The following COL27A1 variants were observed in gnomAD, a reference collection of about 807,000 sequenced individuals.
The protein encoded by COL27A1 is collagen type XXVII alpha 1 chain, also known as collagen alpha-1(XXVII) chain.
In COL27A1, 106 loss-of-function variants were observed where a neutral mutation model predicts 251.3. The ratio of observed to expected loss-of-function variants is 0.42; its 90% CI spans 0.36 to 0.50. The LOEUF (loss-of-function observed/expected upper bound fraction) is 0.50. Ranked by LOEUF, COL27A1 falls within the 20% of genes least tolerant of loss-of-function variation. COL27A1 has a pLI of 0.00. For missense variants in COL27A1, 2,325 were observed against 2,522.8 expected (o/e 0.92, Z 1.68); for synonymous variants, 1,000 against 986.3 (o/e 1.01, Z -0.26).
At chr9:114,270,183 C>T (rs765581535) in intron 35 of COL27A1, among the ~76,000 whole-genome samples, 11 of 152,292 alleles carry the variant, frequency 7.2e-5, no homozygotes, top group Middle Eastern at 3.4e-3. Flanking sequence ...AGGTATGGGG[C>T]GCTTACACCA....
In COL27A1 at chr9:114,301,222, C is replaced by G. The variant is rs1453294564; in HGVS notation, c.4756-62C>G. 1.9e-6 allele frequency: 3 copies of G among 1,610,280 alleles called. No homozygotes were observed. The African/African-American group carries it at 4.0e-5, about 22-fold the overall frequency. On this transcript the variant is annotated intron_variant, in intron 52 of 60. Transcript: ENST00000356083. Reference sequence around the variant, plus strand: ...TCAGTGCCAGTCTGAGCCTCAGTTTCCTCATCTGGAAATGGGGCTTCACCT... The same window carrying G: ...TCAGTGCCAGTCTGAGCCTCAGTTTGCTCATCTGGAAATGGGGCTTCACCT...
At chr9:114,162,648 C>T (rs1251210828) in intron 1 of COL27A1, 67 bp from the exon 2 acceptor site, 2 of 1,238,126 alleles carry the variant, frequency 1.6e-6, no homozygotes, top group Admixed American at 1.7e-5. Context: ...TCCCAGCTTC[C>T]CCAGCCGGAT....
intron 41 of COL27A1, among the ~76,000 whole-genome samples, chr9:114,285,003 G>A (rs72762670): frequency 0.041 from 6,272 of 152,316 alleles, 199 homozygotes; most frequent in Middle Eastern, 0.071. Context: ...TGTACCCAGC[G>A]CTGGAACGAA....
At chr9:114,256,409 T>C (rs1588787842) in intron 27 of COL27A1, among the ~76,000 whole-genome samples, 1 of 152,130 alleles carries the variant, frequency 6.6e-6, no homozygotes, top group South Asian at 2.1e-4. Context: ...AGGAGAATGG[T>C]GTGAACCTGG....
At chr9:114,253,538 A>G (rs1332532237) in intron 27 of COL27A1, among the ~76,000 whole-genome samples, 1 of 152,132 alleles carries the variant, frequency 6.6e-6, no homozygotes, top group Non-Finnish European at 1.5e-5. Flanking sequence ...AGAAGAGAAG[A>G]GGAGAAAAAG....
intron 6 of COL27A1, among the ~76,000 whole-genome samples, chr9:114,195,575 G>A (rs535156808): frequency 1.3e-5 from 2 of 152,208 alleles, no homozygotes; most frequent in Non-Finnish European, 2.9e-5. Flanking sequence ...CTTGGCCAGT[G>A]GCATGCCCAG....
intron 37 of COL27A1, among the ~76,000 whole-genome samples, chr9:114,280,621 C>CGACTA (rs1835845180): frequency 6.6e-6 from 1 of 152,174 alleles, no homozygotes; most frequent in Non-Finnish European, 1.5e-5. Flanking sequence ...CGGGGCTAGT[C>CGACTA]CCATACTAGA....
At chr9:114,303,389 C>T (rs752131472) in intron 56 of COL27A1, among the ~76,000 whole-genome samples, 1 of 152,112 alleles carries the variant, frequency 6.6e-6, no homozygotes. Context: ...TAGGCGCGAA[C>T]CACCACGCAC....
intron 29 of COL27A1, 48 bp downstream of exon 29, chr9:114,264,456 C>A: frequency 7.0e-7 from 1 of 1,426,302 alleles, no homozygotes. Context: ...GACACTGGGT[C>A]AGGAATCGTG....
intron 57 of COL27A1, among the ~76,000 whole-genome samples, chr9:114,305,292 GAGGGCTCACAGTCT>G (rs1828956005): frequency 6.6e-6 from 1 of 152,222 alleles, no homozygotes; most frequent in African/African-American, 2.4e-5. Context: ...TTGACTTTCA[GAGGGCTCACAGTCT>G]AGGGTGGAGG....
rs199729771 is a variant in COL27A1, at chr9:114,168,205, G to T, written c.650G>T (p.Ser217Ile). The T allele has an allele frequency of 4.3e-6, 7 of 1,613,840 alleles. No individual in the cohort carries two copies. Among genetic ancestry groups the T allele is most frequent in the Non-Finnish European group, 5.9e-6 (7 of 1,180,030 alleles). Residue 217 changes from serine (S) to isoleucine (I), a missense_variant, in exon 3 of 61, where the codon AGT (serine) becomes ATT (isoleucine). Physicochemically the swap from Ser to Ile is moderately radical, Grantham distance 142. Coordinates refer to ENST00000356083, the MANE Select transcript of COL27A1 (RefSeq NM_032888.4). ...TTTGAAGGTGCTCTCTGCCAGTTCA[G>T]TATCTACCCTGTGACGCAGGTCGCT... is the stretch of plus-strand genomic sequence containing the variant. Reference protein sequence around the residue: ...VQFEGALCQFSIYPVTQVAHN... With the variant: ...VQFEGALCQFIIYPVTQVAHN...
At chr9:114,202,739 T>G (rs573159488) in intron 7 of COL27A1, among the ~76,000 whole-genome samples, 1 of 152,296 alleles carries the variant, frequency 6.6e-6, no homozygotes, top group East Asian at 1.9e-4. Flanking sequence ...TTGCACTTGC[T>G]GTTCCCTCTG....
chr9:114,173,393 G>C (rs1211670912), intron 3 of COL27A1, among the ~76,000 whole-genome samples: 1 of 152,234 alleles, frequency 6.6e-6, no homozygotes. Flanking sequence ...AATGCAGGTC[G>C]TCCTGACTCC....
intron 5 of COL27A1, 74 bp from the exon 6 acceptor site, chr9:114,194,330 G>A: frequency 1.4e-6 from 2 of 1,433,414 alleles, no homozygotes; most frequent in Non-Finnish European, 2.0e-6. Flanking sequence ...GCAGGGCTTT[G>A]AGCAGAGTTT....
chr9:114,259,897 C>T (rs1332397909), intron 28 of COL27A1, among the ~76,000 whole-genome samples: 2 of 152,100 alleles, frequency 1.3e-5, no homozygotes, highest in Admixed American at 1.3e-4. Flanking sequence ...TACAATTTCC[C>T]CCAAACCAGA....
intron 14 of COL27A1, among the ~76,000 whole-genome samples, chr9:114,224,932 C>G (rs1384469503): frequency 6.6e-6 from 1 of 152,140 alleles, no homozygotes; most frequent in African/African-American, 2.4e-5. Flanking sequence ...GCTGGTACCT[C>G]CTGGTTCTTT....
chr9:114,271,681 C>T (rs1412837312), intron 36 of COL27A1: 1 of 152,554 alleles, frequency 6.6e-6, no homozygotes, highest in African/African-American at 2.4e-5. Context: ...CGTCTTGGGC[C>T]CCGCTCTGAC....
intron 17 of COL27A1, 120 bp downstream of exon 17, chr9:114,235,772 C>G: frequency 2.6e-6 from 2 of 759,042 alleles, no homozygotes; most frequent in Non-Finnish European, 4.8e-6. Flanking sequence ...CGGCTGCCCT[C>G]GAAATAATCC....
At chr9:114,156,158 G>T (rs1203954408) in intron 1 of COL27A1, 146 bp downstream of exon 1, 18 of 1,212,184 alleles carry the variant, frequency 1.5e-5, no homozygotes, top group Admixed American at 3.2e-5. Context: ...GGACGCCAAG[G>T]GTTAATAGGG....
Sources: allele counts gnomAD v4.1 joint callset (sites outside exome capture counted in the v4.1 genomes callset), GRCh38; gene constraint gnomAD v4.1.1; transcripts MANE v1.5; gene names NCBI Gene and HGNC (gene_info 2026-07-23, HGNC 2026-07-21).